Variants in CTNNA3 observed in about 807,000 individuals in gnomAD.
The protein encoded by CTNNA3 is catenin alpha-3.
In CTNNA3, 76 loss-of-function variants were observed where a neutral mutation model predicts 95.7. The ratio of observed to expected loss-of-function variants is 0.79; its 90% CI spans 0.66 to 0.96. The LOEUF is 0.96. Ranked by LOEUF, CTNNA3 falls within the 40% of genes least tolerant of loss-of-function variation. CTNNA3 has a pLI of 0.00. For synonymous variants in CTNNA3, 431 were observed against 374.4 expected, an observed-to-expected ratio of 1.15 and a Z score of -1.74; for missense variants, 1,191 against 1,089.8, an observed-to-expected ratio of 1.09 and a Z score of -1.31.
chr10:66,702,300 T>C (rs1005603640), intron 9 of CTNNA3, among the ~76,000 whole-genome samples: 14 of 152,180 alleles, frequency 9.2e-5, no homozygotes, highest in Admixed American at 6.5e-4. Flanking sequence ...GCTGATTTTT[T>C]TTTAGGTGAG....
At chr10:67,614,174 C>T (rs1184727433) in intron 2 of CTNNA3, among the ~76,000 whole-genome samples, 1 of 152,100 alleles carries the variant, frequency 6.6e-6, no homozygotes, top group African/African-American at 2.4e-5. Context: ...TTTTACAGAG[C>T]GCTGATTGGT....
intron 11 of CTNNA3, among the ~76,000 whole-genome samples, chr10:66,384,376 C>A (rs542136946): frequency 6.6e-6 from 1 of 152,246 alleles, no homozygotes; most frequent in Admixed American, 6.5e-5. Context: ...GTAAAGGGAT[C>A]AATTCAACAA....
At chr10:66,223,756 G>T (rs183862066) in intron 13 of CTNNA3, among the ~76,000 whole-genome samples, 82 of 152,298 alleles carry the variant, frequency 5.4e-4, no homozygotes, top group African/African-American at 1.7e-3. Flanking sequence ...TGACCACAGG[G>T]TGCCAGATAA....
At chr10:67,390,789 A>G (rs1844437651) in intron 5 of CTNNA3, among the ~76,000 whole-genome samples, 1 of 149,886 alleles carries the variant, frequency 6.7e-6, no homozygotes, top group African/African-American at 2.5e-5. Context: ...ATATAAACAG[A>G]ACCAAAGACA....
At chr10:67,564,672 T>TGA (rs1260822120) in intron 3 of CTNNA3, among the ~76,000 whole-genome samples, 966 of 81,092 alleles carry the variant, frequency 0.012, 40 homozygotes, top group African/African-American at 0.042. Context: ...TATGTGTGTG[T>TGA]GTGTGTATAT....
intron 5 of CTNNA3, among the ~76,000 whole-genome samples, chr10:67,518,846 AC>A (rs1487861372): frequency 3.0e-4 from 45 of 152,060 alleles, no homozygotes; most frequent in African/African-American, 1.0e-3. Flanking sequence ...AAGGATGAAA[AC>A]CAAGTAGTCC....
intron 7 of CTNNA3, among the ~76,000 whole-genome samples, chr10:66,950,289 T>C (rs1489481372): frequency 6.6e-6 from 1 of 152,146 alleles, no homozygotes; most frequent in Non-Finnish European, 1.5e-5. Flanking sequence ...ATTTTCTAAC[T>C]TGAAGTATAT....
intron 12 of CTNNA3, among the ~76,000 whole-genome samples, chr10:66,306,494 T>G (rs897575470): frequency 3.3e-5 from 5 of 152,210 alleles, no homozygotes; most frequent in Non-Finnish European, 5.9e-5. Flanking sequence ...TCGATGATGG[T>G]GCCAAAATTA....
chr10:66,360,596 C>CCTCTTTCT (rs2092646626), intron 12 of CTNNA3, among the ~76,000 whole-genome samples: 2 of 94,076 alleles, frequency 2.1e-5, no homozygotes, highest in Non-Finnish European at 5.1e-5. Context: ...GTATTCTTTC[C>CCTCTTTCT]TTCTTTCTTT....
intron 13 of CTNNA3, among the ~76,000 whole-genome samples, chr10:66,245,972 A>C (rs979667936): frequency 6.6e-6 from 1 of 152,192 alleles, no homozygotes; most frequent in Non-Finnish European, 1.5e-5. Flanking sequence ...ATGGGCAACC[A>C]TTGGTGGGCC....
chr10:67,725,869 A>T (rs1355888602), intron 1 of CTNNA3, among the ~76,000 whole-genome samples: 1 of 146,420 alleles, frequency 6.8e-6, no homozygotes, highest in Admixed American at 7.1e-5. Flanking sequence ...ACCTTCCTCA[A>T]CAGTGACTAG....
chr10:67,085,078 A>T (rs1280055281), intron 7 of CTNNA3, among the ~76,000 whole-genome samples: 1 of 151,966 alleles, frequency 6.6e-6, no homozygotes, highest in Non-Finnish European at 1.5e-5. Context: ...AATTATTTTT[A>T]ATTTTTAATT....
chr10:66,506,926 A>G (rs1840468709), intron 11 of CTNNA3, among the ~76,000 whole-genome samples: 1 of 152,176 alleles, frequency 6.6e-6, no homozygotes, highest in African/African-American at 2.4e-5. Context: ...TTGCATAGAT[A>G]CATACTATAT....
chr10:66,528,921 T>G (rs75854703), intron 10 of CTNNA3, among the ~76,000 whole-genome samples: 3,889 of 152,160 alleles, frequency 0.026, 95 homozygotes, highest in East Asian at 0.064. Context: ...AGAAAAAAGT[T>G]TTATGAGGGT....
At chr10:66,228,909 G>A (rs2089453498) in intron 13 of CTNNA3, among the ~76,000 whole-genome samples, 1 of 151,880 alleles carries the variant, frequency 6.6e-6, no homozygotes, top group South Asian at 2.1e-4. Flanking sequence ...CTCTTTTAAT[G>A]TTTTTTGACT....
chr10:66,243,580 G>T (rs2132045747), intron 13 of CTNNA3, among the ~76,000 whole-genome samples: 1 of 152,238 alleles, frequency 6.6e-6, no homozygotes, highest in African/African-American at 2.4e-5. Flanking sequence ...CCCCGGCTTT[G>T]AGTTGTCCTG....
chr10:66,011,667 T>C (rs1018133075), intron 15 of CTNNA3, among the ~76,000 whole-genome samples: 4 of 152,134 alleles, frequency 2.6e-5, no homozygotes, highest in Admixed American at 2.0e-4. Context: ...TAGGGGTCAA[T>C]CAAGCCTGGC....
intron 3 of CTNNA3, among the ~76,000 whole-genome samples, chr10:67,603,957 G>C (rs1464053667): frequency 6.6e-6 from 1 of 152,040 alleles, no homozygotes; most frequent in Non-Finnish European, 1.5e-5. Context: ...CCCTACATAG[G>C]TGTACCATTT....
At chr10:66,895,430 A>C (rs547925626) in intron 7 of CTNNA3, among the ~76,000 whole-genome samples, 1 of 152,310 alleles carries the variant, frequency 6.6e-6, no homozygotes, top group South Asian at 2.1e-4. Context: ...AAAATCAAGA[A>C]AGATTTGTTC....
Sources: gnomAD v4.1 joint callset for allele counts (sites outside exome capture counted in the v4.1 genomes callset) on GRCh38, gnomAD v4.1.1 for gene constraint, MANE v1.5 for transcripts, NCBI Gene and HGNC (gene_info 2026-07-23, HGNC 2026-07-21) for gene names.